Variants in NFAT5 observed in about 807,000 individuals in gnomAD.
NFAT5 encodes nuclear factor of activated T-cells 5.
In NFAT5, 31 loss-of-function variants were observed where a neutral mutation model predicts 166.5. The observed-to-expected ratio is 0.19, with a 90% CI of 0.14 to 0.25. NFAT5 has a LOEUF of 0.25. Among genes scored for constraint, NFAT5 ranks in the 10% least tolerant of loss-of-function variants. The pLI is 1.00. For synonymous variants in NFAT5, 612 were observed against 639.7 expected, an observed-to-expected ratio of 0.96 and a Z score of 0.65; for missense variants, 1,449 against 1,821.8, an observed-to-expected ratio of 0.80 and a Z score of 3.72.
At chr16:69,683,884 A>AG (rs2037174331) in intron 10 of NFAT5, among the ~76,000 whole-genome samples, 1 of 152,130 alleles carries the variant, frequency 6.6e-6, no homozygotes, top group Non-Finnish European at 1.5e-5. Flanking sequence ...AGATTACCTG[A>AG]GGTCAGGAGT....
chr16:69,568,372 GTGTGTATATATA>G (rs758655730), intron 1 of NFAT5, 111 bp from the exon 2 acceptor site: 41 of 394,756 alleles, frequency 1.0e-4, no homozygotes, highest in Admixed American at 2.6e-4. Flanking sequence ...GTGTGTGTGT[GTGTGTATATATA>G]TATATATATA....
chr16:69,637,018 A>T (rs1439564391), intron 3 of NFAT5, among the ~76,000 whole-genome samples: 5 of 152,164 alleles, frequency 3.3e-5, no homozygotes, highest in African/African-American at 1.2e-4. Flanking sequence ...AATGCCTTTA[A>T]CAGAACCCAA....
chr16:69,664,807 T>A (rs956147489), intron 7 of NFAT5, among the ~76,000 whole-genome samples: 4 of 152,010 alleles, frequency 2.6e-5, no homozygotes, highest in Non-Finnish European at 5.9e-5. Flanking sequence ...GTGGGCCCAT[T>A]ACCTGAGGTC....
chr16:69,607,203 T>C (rs968714335), intron 2 of NFAT5, among the ~76,000 whole-genome samples: 1 of 152,128 alleles, frequency 6.6e-6, no homozygotes, highest in Non-Finnish European at 1.5e-5. Flanking sequence ...AAAAAATAAG[T>C]GATACATTTA....
In NFAT5 at chr16:69,690,922, G is replaced by T. The variant is rs377188619; in HGVS notation, c.1775-18G>T. 9.0e-6 allele frequency: 13 copies of T among 1,443,938 alleles called. No homozygotes were observed. The highest frequency in any genetic ancestry group is 5.8e-5 in the African/African-American group (4 of 68,816). The allele number at this position is 1,443,938 out of a possible 1,614,324, so 89.4% of individuals were successfully genotyped here. ...TTTGTGATTTTAAACTTTTCTTTTT[G>T]TGTGTGTGTATATGCAGCAATGAAA... On this transcript the variant is annotated intron_variant, in intron 11 of 14. Transcript: ENST00000349945.
intron 11 of NFAT5, among the ~76,000 whole-genome samples, chr16:69,689,688 G>A (rs2037472201): frequency 6.6e-6 from 1 of 152,162 alleles, no homozygotes; most frequent in Non-Finnish European, 1.5e-5. Flanking sequence ...GGATTTACAG[G>A]CATGTGCCAC....
At position 69,693,132 on chromosome 16, in the gene NFAT5, T is replaced by G; in HGVS notation, c.3307T>G (p.Ser1103Ala). 6.2e-7 allele frequency: 1 copy of G among 1,614,120 alleles called. No homozygotes were observed. The highest frequency in any genetic ancestry group is 8.5e-7 in the Non-Finnish European group (1 of 1,180,012). ...TCCTATTGCCGATGCTCAGAACCTTTCCCAGGAAACTCAAGGTTCTCTCTT... is the reference window on the plus strand; with the variant it reads ...TCCTATTGCCGATGCTCAGAACCTTGCCCAGGAAACTCAAGGTTCTCTCTT... The part of the protein sequence containing the change: ...QNPIADAQNL[S>A]QETQGSLFHS... The change falls in exon 13 of 15, where the codon TCC (serine) becomes GCC (alanine). Residue 1103 changes from serine (S) to alanine (A), a missense_variant. Around this residue, in one of 7 missense-constraint regions of NFAT5, gnomAD observed 891 missense variants for 993.0 expected, o/e 0.90. Transcript: ENST00000349945.
chr16:69,604,385 G>T (rs2033294721), intron 2 of NFAT5, among the ~76,000 whole-genome samples: 1 of 152,146 alleles, frequency 6.6e-6, no homozygotes, highest in Non-Finnish European at 1.5e-5. Flanking sequence ...ATTCCACCTG[G>T]TAGTCAAATA....
intron 9 of NFAT5, among the ~76,000 whole-genome samples, chr16:69,675,671 C>T (rs1179524731): frequency 1.3e-5 from 2 of 152,016 alleles, no homozygotes; most frequent in Non-Finnish European, 2.9e-5. Context: ...CAGAGTTACG[C>T]TCTTGTTGCC....
chr16:69,701,658 A>G lies in NFAT5; in HGVS notation c.*5307A>G, dbSNP rs2037900601. On this transcript the variant is annotated 3_prime_UTR_variant, in exon 15 of 15. Transcript: ENST00000349945. ...TAGGTCTTATCTGAATACTCATGAG[A>G]ATTTTAGCATCTGTGAAACTCCATG... 1 of 152,248 alleles carries G rather than the reference A, an allele frequency of 6.6e-6. No individual in the cohort carries two copies. Among genetic ancestry groups the G allele is most frequent in the Non-Finnish European group, 1.5e-5 (1 of 68,040 alleles). The allele number at this position is 152,248 out of a possible 1,614,324, so 9.4% of individuals were successfully genotyped here.
intron 9 of NFAT5, among the ~76,000 whole-genome samples, chr16:69,673,134 A>C (rs2036692654): frequency 6.6e-6 from 1 of 152,182 alleles, no homozygotes. Context: ...CATAAAAATA[A>C]GACACGTGGT....
At chr16:69,643,395 A>T (rs935064412) in intron 3 of NFAT5, among the ~76,000 whole-genome samples, 4 of 152,038 alleles carry the variant, frequency 2.6e-5, no homozygotes, top group East Asian at 3.9e-4. Flanking sequence ...TAGAAATTTA[A>T]AATGTTCTGA....
intron 2 of NFAT5, among the ~76,000 whole-genome samples, chr16:69,599,856 T>C (rs745457101): frequency 6.6e-6 from 1 of 151,988 alleles, no homozygotes; most frequent in Non-Finnish European, 1.5e-5. Context: ...GCAGGAGAAT[T>C]GTAGGAGAGA....
chr16:69,627,321 AACATAT>A (rs2034505177), intron 3 of NFAT5, among the ~76,000 whole-genome samples: 1 of 94,182 alleles, frequency 1.1e-5, no homozygotes, highest in Admixed American at 1.2e-4. Flanking sequence ...AAAAAAAGGA[AACATAT>A]ATATATATAT....
rs2151623164 is a variant in NFAT5 at position 69,647,959 on chromosome 16, G to A, written c.812+373G>A. On this transcript the variant is annotated intron_variant, in intron 4 of 14. Coordinates refer to ENST00000349945, the MANE Select transcript of NFAT5 (RefSeq NM_138713.4). This position sits in a 1 kb window ranked among gnomAD's most constrained non-coding sequence, Gnocchi z 4.8. ...GGCCGAGGCGGGCGGATCACCTGAGGTCAGGAGTTCGAGACCAGCCTGACC... is the reference window on the plus strand; with the variant it reads ...GGCCGAGGCGGGCGGATCACCTGAGATCAGGAGTTCGAGACCAGCCTGACC... Among the ~76,000 whole-genome samples, 1 of 152,128 alleles carries A rather than the reference G, an allele frequency of 6.6e-6. No individual in the cohort carries two copies. The highest frequency in any genetic ancestry group is 2.1e-4 in the South Asian group (1 of 4,824).
intron 2 of NFAT5, among the ~76,000 whole-genome samples, chr16:69,623,545 T>C (rs899970423): frequency 2.6e-5 from 4 of 151,830 alleles, no homozygotes; most frequent in Admixed American, 6.6e-5. Context: ...TTCACTCTTA[T>C]TGCCCAGGCT....
At chr16:69,656,765 G>A (rs1444838751) in intron 6 of NFAT5, among the ~76,000 whole-genome samples, 1 of 152,100 alleles carries the variant, frequency 6.6e-6, no homozygotes, top group African/African-American at 2.4e-5. Context: ...AAACTGTTCA[G>A]CAGAGACTAT....
At chr16:69,684,298 C>T (rs950047994) in intron 10 of NFAT5, among the ~76,000 whole-genome samples, 4 of 148,062 alleles carry the variant, frequency 2.7e-5, no homozygotes, top group Non-Finnish European at 6.0e-5. Context: ...CGGTGGCTCA[C>T]ACCTGTAATC....
Position 69,566,305 on chromosome 16 carries a change from C to T in NFAT5, c.4C>T (p.Pro2Ser). 1 of 1,605,178 alleles carries T rather than the reference C, an allele frequency of 6.2e-7. No individual in the cohort carries two copies. The highest frequency in any genetic ancestry group is 1.3e-5 in the African/African-American group (1 of 74,684). MPSDFISLLSAD... is the reference protein window; with the variant it reads MSSDFISLLSAD... ...GGCCGGGCTGGGTCGAGCTGCGATGCCCTCGGACTTCATCTCATTGCTCAG... is the reference window on the plus strand; with the variant it reads ...GGCCGGGCTGGGTCGAGCTGCGATGTCCTCGGACTTCATCTCATTGCTCAG... Residue 2 changes from proline to serine, a missense_variant, in exon 1 of 15, where the codon CCC becomes TCC. By Grantham distance (74) the Pro-to-Ser change is moderately conservative. Transcript: ENST00000349945. This position sits in a 1 kb window ranked among gnomAD's most constrained non-coding sequence, Gnocchi z 5.7.
Sources: gnomAD v4.1 joint callset for allele counts (sites outside exome capture counted in the v4.1 genomes callset) on GRCh38, gnomAD v4.1.1 for gene constraint, gnomAD v4.1.1 regional missense constraint, Gnocchi (gnomAD v3.1) non-coding constraint, MANE v1.5 for transcripts, NCBI Gene and HGNC (gene_info 2026-07-23, HGNC 2026-07-21) for gene names.